Variants in ARHGEF12 observed in about 807,000 individuals in gnomAD.
ARHGEF12 encodes the protein KMT2A/ARHGEF12 fusion protein.
Under a neutral mutation model 211.2 loss-of-function variants are expected in ARHGEF12, and 66 were observed. The ratio of observed to expected loss-of-function variants is 0.31; its 90% confidence interval spans 0.26 to 0.38. ARHGEF12 has a LOEUF of 0.38. Among genes scored for constraint, ARHGEF12 ranks in the 10% least tolerant of loss-of-function variants. ARHGEF12 has a pLI of 1.00. For synonymous variants in ARHGEF12, 592 were observed against 638.4 expected (o/e 0.93, Z 1.09); for missense variants, 1,429 against 1,869.5 (o/e 0.76, Z 4.34).
At chr11:120,386,558 C>T (rs748745797) in intron 1 of ARHGEF12, among the ~76,000 whole-genome samples, 4 of 152,112 alleles carry the variant, frequency 2.6e-5, no homozygotes, top group Non-Finnish European at 4.4e-5. Context: ...CAAATTCTTA[C>T]TGAGCATTTA....
Position 120,431,897 on chromosome 11 carries a change from A to C in ARHGEF12, c.910A>C (p.Ser304Arg), listed in dbSNP as rs1945552109. The C allele has an allele frequency of 6.2e-7, 1 of 1,604,410 alleles. No homozygotes were observed. The highest frequency in any genetic ancestry group is 1.7e-5 in the Admixed American group (1 of 57,388). The change falls in exon 11 of 41, where the codon AGT becomes CGT. Residue 304 changes from serine (S) to arginine (R), a missense_variant. Coordinates refer to ENST00000397843, the MANE Select transcript of ARHGEF12 (RefSeq NM_015313.3). ...CSSGDASRPS[S>R]DNADSPKSGP... ...CAGTGGAGATGCTTCTCGGCCCAGT[A>C]GTGACAATGCAGATGTAAGCTTTCA...
chr11:120,406,445 G>A (rs1448082716), intron 2 of ARHGEF12, among the ~76,000 whole-genome samples: 2 of 152,176 alleles, frequency 1.3e-5, no homozygotes, highest in Non-Finnish European at 2.9e-5. Context: ...AGTAGCTTAG[G>A]AGGTGAAAAT....
In ARHGEF12 at chr11:120,420,802, G is replaced by A. The variant is rs1170157034; in HGVS notation, c.249G>A (p.Gly83=). ...VIIQKDDNGF[G]LTVSGDNPVF... is the part of the protein sequence containing the mutation. The stretch of plus-strand genomic sequence containing the variant: ...TCCAGAAAGATGACAATGGATTTGG[G>A]CTGACGGTCAGTGGAGACAATCCAG... Residue 83 remains glycine, a synonymous_variant, in exon 5 of 41, where the codon GGG becomes GGA. Coordinates refer to ENST00000397843, the MANE Select transcript of ARHGEF12 (RefSeq NM_015313.3). 1.2e-6 allele frequency: 2 copies of A among 1,613,976 alleles called. No individual in the cohort carries two copies. Among genetic ancestry groups the A allele is most frequent in the African/African-American group, 1.3e-5 (1 of 74,934 alleles).
chr11:120,449,244 C>T (rs370945691), intron 21 of ARHGEF12, 30 bp downstream of exon 21: 1 of 1,563,102 alleles, frequency 6.4e-7, no homozygotes, highest in Non-Finnish European at 8.8e-7. Context: ...GCTGCATTTT[C>T]AGTACTCCAG....
Position 120,489,424 on chromosome 11 carries a change from C to T in ARHGEF12, c.*4347C>T, listed in dbSNP as rs1442916987. On this transcript the variant is annotated 3_prime_UTR_variant, in exon 41 of 41. Coordinates refer to ENST00000397843, the MANE Select transcript of ARHGEF12 (RefSeq NM_015313.3). Reference sequence around the variant, plus strand: ...CAGTGAGGTAGGCCAGCTTTTATGACGCACCTGAAGATAACTTTGGTTTTA... The same window carrying T: ...CAGTGAGGTAGGCCAGCTTTTATGATGCACCTGAAGATAACTTTGGTTTTA... The T allele has an allele frequency of 4.0e-5, 9 of 223,680 alleles. No homozygotes were observed. Among genetic ancestry groups the T allele is most frequent in the African/African-American group, 6.7e-5 (3 of 44,800 alleles). 13.9% of individuals were successfully genotyped at this position (223,680 alleles called of 1,614,324 possible).
At chr11:120,366,639 G>A (rs763992753) in intron 1 of ARHGEF12, among the ~76,000 whole-genome samples, 5 of 152,108 alleles carry the variant, frequency 3.3e-5, no homozygotes, top group Admixed American at 1.3e-4. Flanking sequence ...TGTCCCCAGC[G>A]TCTTGACTCA....
Position 120,486,184 on chromosome 11 carries a change from A to C in ARHGEF12, c.*1107A>C, listed in dbSNP as rs943629588. ...TCATTAGCCACAGGTACTGCTGATT[A>C]TAAGGCCAGTAAAATTTTAGTACCT... On this transcript the variant is annotated 3_prime_UTR_variant, in exon 41 of 41. Transcript: ENST00000397843. 2 of 233,364 alleles carry C rather than the reference A, an allele frequency of 8.6e-6. No homozygotes were observed. Among genetic ancestry groups the C allele is most frequent in the Non-Finnish European group, 1.7e-5 (2 of 117,898 alleles). 14.5% of individuals were successfully genotyped at this position (233,364 alleles called of 1,614,324 possible). A position where few individuals can be genotyped will look rare whatever the true frequency, so the allele number is the denominator to read the frequency against.
rs1380445998 is a variant in ARHGEF12, at chr11:120,484,419, T to G, written c.4555-19T>G. On this transcript the variant is annotated intron_variant, in intron 39 of 40. Transcript: ENST00000397843. The stretch of plus-strand genomic sequence containing the variant: ...TTTCATTACGTTTGAATAAAAAACC[T>G]ATGGGTTTTATTTCACAGAAGGTGG... The G allele has an allele frequency of 1.2e-6, 2 of 1,607,696 alleles. No homozygotes were observed. The highest frequency in any genetic ancestry group is 2.7e-5 in the African/African-American group (2 of 74,710).
chr11:120,376,632 ATTCT>A (rs1441680945), intron 1 of ARHGEF12, among the ~76,000 whole-genome samples: 1 of 152,168 alleles, frequency 6.6e-6, no homozygotes, highest in African/African-American at 2.4e-5. Flanking sequence ...TCAAGCATTT[ATTCT>A]TTCTTTATGT....
In ARHGEF12 at chr11:120,376,740, T is replaced by A. The variant is rs1943735174; in HGVS notation, c.33-29378T>A. 2.0e-5 allele frequency among the ~76,000 whole-genome samples: 3 copies of A among 152,288 alleles called. No individual in the cohort carries two copies. The South Asian group carries it at 6.2e-4, about 32-fold the overall frequency. On this transcript the variant is annotated intron_variant, in intron 1 of 40. Coordinates refer to ENST00000397843, the MANE Select transcript of ARHGEF12 (RefSeq NM_015313.3). ...ACTCTGTTATATCAAATACTAGATC[T>A]TATTCTATCGAACTATATTTTTGTA...
intron 4 of ARHGEF12, among the ~76,000 whole-genome samples, chr11:120,415,922 T>C (rs373051022): frequency 4.6e-5 from 7 of 152,216 alleles, no homozygotes; most frequent in African/African-American, 1.7e-4. Context: ...ATAATAAATG[T>C]GGCTAATACA....
chr11:120,379,451 A>G (rs1434955243), intron 1 of ARHGEF12, among the ~76,000 whole-genome samples: 1 of 151,926 alleles, frequency 6.6e-6, no homozygotes, highest in Non-Finnish European at 1.5e-5. Flanking sequence ...GTGAAAGCAG[A>G]CATGTAGACA....
intron 1 of ARHGEF12, among the ~76,000 whole-genome samples, chr11:120,338,452 C>T (rs771618047): frequency 5.9e-5 from 9 of 152,226 alleles, no homozygotes; most frequent in Admixed American, 2.0e-4. Context: ...TTTCCAGCAT[C>T]ACATGAATGT....
At chr11:120,383,380 A>G (rs1377899708) in intron 1 of ARHGEF12, among the ~76,000 whole-genome samples, 2 of 152,090 alleles carry the variant, frequency 1.3e-5, no homozygotes, top group Non-Finnish European at 2.9e-5. Context: ...AGGGTGATTC[A>G]AGCACATTAC....
chr11:120,472,758 C>G (rs541340320), intron 30 of ARHGEF12, among the ~76,000 whole-genome samples: 66 of 152,068 alleles, frequency 4.3e-4, no homozygotes, highest in African/African-American at 1.5e-3. Context: ...AGGTTTGCAC[C>G]ATTCCCCTGC....
At chr11:120,409,898 G>T (rs1050897334) in intron 4 of ARHGEF12, 3 of 152,432 alleles carry the variant, frequency 2.0e-5, no homozygotes, top group African/African-American at 7.2e-5. Context: ...CAGTTCTTTG[G>T]AATTTTTATT....
chr11:120,440,636 A>G (rs1207525485), intron 13 of ARHGEF12, among the ~76,000 whole-genome samples: 1 of 152,122 alleles, frequency 6.6e-6, no homozygotes, highest in African/African-American at 2.4e-5. Context: ...CTACATAGAT[A>G]AATATGTTGT....
chr11:120,390,202 C>T (rs566372487), intron 1 of ARHGEF12, among the ~76,000 whole-genome samples: 17 of 152,212 alleles, frequency 1.1e-4, no homozygotes, highest in Middle Eastern at 3.4e-3. Flanking sequence ...TAGGGAAATC[C>T]GTTTCCTGGT....
intron 1 of ARHGEF12, among the ~76,000 whole-genome samples, chr11:120,384,193 G>A (rs12281935): frequency 0.013 from 1,974 of 152,158 alleles, 49 homozygotes; most frequent in African/African-American, 0.046. Flanking sequence ...TACTTACAAG[G>A]CGACTGCCTT....
Sources: allele counts gnomAD v4.1 joint callset (sites outside exome capture counted in the v4.1 genomes callset), GRCh38; gene constraint gnomAD v4.1.1; transcripts MANE v1.5; gene names NCBI Gene and HGNC (gene_info 2026-07-23, HGNC 2026-07-21).